FOXJ3: variants seen among roughly 807,000 people sequenced by gnomAD.
FOXJ3 encodes forkhead box protein J3.
A neutral mutation model predicts 76.1 loss-of-function variants in FOXJ3; 22 were observed. The observed-to-expected ratio is 0.29, with a 90% CI of 0.21 to 0.41. The LOEUF is 0.41. FOXJ3 is among the 10% of genes least tolerant of loss of function. The probability of loss-of-function intolerance (pLI) is 1.00; values close to 1 mark genes in which losing one functional copy is unlikely to be tolerated. For synonymous variants in FOXJ3, 269 were observed against 261.2 expected (o/e 1.03, Z -0.29); for missense variants, 613 against 762.1 (o/e 0.80, Z 2.30).
intron 5 of FOXJ3, among the ~76,000 whole-genome samples, chr1:42,211,703 C>T (rs185069940): frequency 1.1e-3 from 167 of 152,318 alleles, no homozygotes; most frequent in Non-Finnish European, 1.8e-3. Flanking sequence ...GCCATTCCAG[C>T]TCCACTGGAG....
At chr1:42,251,854 G>T (rs1650104130) in intron 4 of FOXJ3, among the ~76,000 whole-genome samples, 1 of 151,814 alleles carries the variant, frequency 6.6e-6, no homozygotes, top group Non-Finnish European at 1.5e-5. Flanking sequence ...CTGTAGCTGG[G>T]ACTACAGGCG....
rs770104468 is a variant in FOXJ3, at chr1:42,191,304, A to T, written c.1350T>A (p.Ser450=). The T allele has an allele frequency of 6.5e-7, 1 of 1,529,178 alleles. No homozygotes were observed. Among genetic ancestry groups the T allele is most frequent in the South Asian group, 1.3e-5 (1 of 78,342 alleles). The allele number at this position is 1,529,178 out of a possible 1,614,324, so 94.7% of individuals were successfully genotyped here. Residue 450 remains serine (S), a splice_region_variant and synonymous_variant, in exon 9 of 13, where the codon TCT becomes TCA. Transcript: ENST00000361346. Reference sequence around the variant, plus strand: ...ACAAACCAGGAGACAAAAACTTACCAGAATTACAGGATACCTGTTGTGGGG... The same window carrying T: ...ACAAACCAGGAGACAAAAACTTACCTGAATTACAGGATACCTGTTGTGGGG... ...PPPPQQVSCN[S]GVSNDWYATL... is the part of the protein sequence containing the mutation.
At chr1:42,229,555 T>C (rs982720106) in intron 4 of FOXJ3, among the ~76,000 whole-genome samples, 2 of 152,204 alleles carry the variant, frequency 1.3e-5, no homozygotes, top group Non-Finnish European at 2.9e-5. Context: ...CTGAGCTTAA[T>C]GTTCATTTCA....
chr1:42,196,737 G>A (rs530459592), intron 7 of FOXJ3, among the ~76,000 whole-genome samples: 21 of 152,190 alleles, frequency 1.4e-4, no homozygotes, highest in Admixed American at 5.9e-4. Flanking sequence ...CTTTAAACAC[G>A]GCAGTTTAAC....
At chr1:42,296,766 C>T (rs1653815975) in intron 2 of FOXJ3, among the ~76,000 whole-genome samples, 1 of 152,176 alleles carries the variant, frequency 6.6e-6, no homozygotes, top group South Asian at 2.1e-4. Flanking sequence ...GTTCCTTTTG[C>T]TTAGGATCGC....
chr1:42,330,782 G>A (rs1056813345), intron 1 of FOXJ3, among the ~76,000 whole-genome samples: 6 of 152,146 alleles, frequency 3.9e-5, no homozygotes, highest in African/African-American at 1.4e-4. Flanking sequence ...TATGAACTAA[G>A]AAGACCTACC....
intron 10 of FOXJ3, 83 bp from the exon 11 acceptor site, chr1:42,189,011 GCT>G: frequency 2.2e-6 from 2 of 924,270 alleles, no homozygotes; most frequent in Non-Finnish European, 1.6e-6. Context: ...ATTTTTTTCA[GCT>G]CTCAAAATTT....
At position 42,181,827 on chromosome 1, in the gene FOXJ3, A is replaced by T. The variant is rs532442043; in HGVS notation, c.1753+90T>A. The T allele has an allele frequency of 8.0e-4, 608 of 762,050 alleles. 4 individuals carry two copies. The highest frequency in any genetic ancestry group is 3.2e-3 in the East Asian group (115 of 36,288). 47.2% of individuals were successfully genotyped at this position (762,050 alleles called of 1,614,324 possible). Reference sequence around the variant, plus strand: ...GGTAATAACTGACACACACACACACACTCTCTCTCTCACCTGCCATCGTTG... The same window carrying T: ...GGTAATAACTGACACACACACACACTCTCTCTCTCTCACCTGCCATCGTTG... On this transcript the variant is annotated intron_variant, in intron 12 of 12. Coordinates refer to ENST00000361346, the MANE Select transcript of FOXJ3 (RefSeq NM_014947.5).
intron 3 of FOXJ3, 60 bp from the exon 4 acceptor site, chr1:42,265,249 T>C (rs1488290439): frequency 1.2e-6 from 1 of 847,858 alleles, no homozygotes; most frequent in East Asian, 2.7e-5. Context: ...AACCCAAATT[T>C]AAAAACAGAA....
intron 4 of FOXJ3, among the ~76,000 whole-genome samples, chr1:42,247,223 C>T (rs1211750650): frequency 2.0e-5 from 3 of 152,074 alleles, no homozygotes; most frequent in African/African-American, 7.2e-5. Context: ...TCCCTAATTA[C>T]CCTGAGTTGA....
intron 2 of FOXJ3, among the ~76,000 whole-genome samples, chr1:42,281,747 T>C (rs2124683268): frequency 6.6e-6 from 1 of 152,286 alleles, no homozygotes; most frequent in East Asian, 1.9e-4. Context: ...TTTGGCCAGA[T>C]CACCAGTAAC....
intron 4 of FOXJ3, among the ~76,000 whole-genome samples, chr1:42,253,915 T>C (rs901662214): frequency 2.6e-5 from 4 of 151,850 alleles, no homozygotes; most frequent in African/African-American, 7.3e-5. Context: ...AAGGACTTCA[T>C]GTCTAAAACA....
At chr1:42,315,461 C>A (rs80089098) in intron 1 of FOXJ3, 16 of 951,694 alleles carry the variant, frequency 1.7e-5, no homozygotes, top group African/African-American at 1.8e-5. Flanking sequence ...CTAAACTGTC[C>A]AAACACCAAC....
At chr1:42,271,139 T>C (rs1402507953) in intron 3 of FOXJ3, among the ~76,000 whole-genome samples, 1 of 152,204 alleles carries the variant, frequency 6.6e-6, no homozygotes, top group Non-Finnish European at 1.5e-5. Context: ...ATGATTTCTT[T>C]GTAACTATTT....
At position 42,231,873 on chromosome 1, in the gene FOXJ3, G is replaced by T. The variant is rs112461910; in HGVS notation, c.445-3907C>A. Among the ~76,000 whole-genome samples the T allele has an allele frequency of 1.9e-4, 29 of 152,210 alleles. 1 individual carries two copies. Among genetic ancestry groups the T allele is most frequent in the African/African-American group, 6.0e-4 (25 of 41,530 alleles). ...ACGTGCATGTTACATATGTATACAT[G>T]TGCCATGTTGGTGTGCTGCACCCAT... On this transcript the variant is annotated intron_variant, in intron 4 of 12. Coordinates refer to ENST00000361346, the MANE Select transcript of FOXJ3 (RefSeq NM_014947.5).
In FOXJ3 at chr1:42,280,918, C is replaced by T. The variant is rs373265759; in HGVS notation, c.45-2246G>A. Among the ~76,000 whole-genome samples the T allele has an allele frequency of 3.3e-4, 50 of 152,302 alleles. No individual in the cohort carries two copies. In the South Asian group the frequency reaches 0.01, roughly 32 times the overall value. ...GATTGGCTATTTTATACCATGCTGT[C>T]ATCCAATTTACCTCAATCAAGTCTC... is the stretch of plus-strand genomic sequence containing the variant. On this transcript the variant is annotated intron_variant, in intron 2 of 12. Transcript: ENST00000361346.
intron 4 of FOXJ3, among the ~76,000 whole-genome samples, chr1:42,253,539 C>G (rs1259557057): frequency 6.6e-6 from 1 of 150,656 alleles, no homozygotes; most frequent in African/African-American, 2.4e-5. Flanking sequence ...AAGCTGGAGG[C>G]ATCGTGCTAC....
intron 9 of FOXJ3, 122 bp downstream of exon 9, chr1:42,191,181 G>T (rs943275911): frequency 1.1e-6 from 1 of 906,788 alleles, no homozygotes; most frequent in Admixed American, 2.9e-5. Flanking sequence ...ACAACTATAG[G>T]ATTATAGCAA....
intron 2 of FOXJ3, among the ~76,000 whole-genome samples, chr1:42,294,054 A>C (rs1283227613): frequency 6.6e-6 from 1 of 152,238 alleles, no homozygotes. Context: ...GTCAGATTGA[A>C]TAGAATTGAG....
Sources: gnomAD v4.1 joint callset for allele counts (sites outside exome capture counted in the v4.1 genomes callset) on GRCh38, gnomAD v4.1.1 for gene constraint, MANE v1.5 for transcripts, NCBI Gene and HGNC (gene_info 2026-07-23, HGNC 2026-07-21) for gene names.